DOCK4: variants seen among roughly 807,000 people sequenced by gnomAD.
DOCK4 encodes dedicator of cytokinesis 4, also known as dedicator of cytokinesis protein 4.
Under a neutral mutation model 268.1 loss-of-function variants are expected in DOCK4, and 97 were observed. That is an observed-to-expected ratio of 0.36 (90% CI 0.31 to 0.43). DOCK4 has a LOEUF of 0.43. Ranked by LOEUF, DOCK4 falls within the 20% of genes least tolerant of loss-of-function variation. The pLI is 1.00. For missense variants in DOCK4, 2,145 were observed against 2,455.7 expected (o/e 0.87, Z 2.67); for synonymous variants, 954 against 887.2 (o/e 1.08, Z -1.34).
chr7:112,129,437 C>T (rs1813590941), intron 1 of DOCK4, among the ~76,000 whole-genome samples: 1 of 152,076 alleles, frequency 6.6e-6, no homozygotes, highest in Admixed American at 6.5e-5. Flanking sequence ...TGGAACAATT[C>T]TGTATCCTGA....
intron 1 of DOCK4, among the ~76,000 whole-genome samples, chr7:112,052,234 T>G (rs1211056650): frequency 1.3e-5 from 2 of 152,180 alleles, no homozygotes; most frequent in East Asian, 3.8e-4. Context: ...TGTGATTGAA[T>G]CCATGAATGT....
chr7:111,970,613 T>C (rs1203417979), intron 8 of DOCK4, among the ~76,000 whole-genome samples: 1 of 152,228 alleles, frequency 6.6e-6, no homozygotes, highest in East Asian at 1.9e-4. Context: ...AATTGGCTCA[T>C]GTAAAAACCT....
Position 111,895,715 on chromosome 7 carries a change from T to C in DOCK4, c.1484A>G (p.Lys495Arg), listed in dbSNP as rs763410740. 1 of 1,613,748 alleles carries C rather than the reference T, an allele frequency of 6.2e-7. No homozygotes were observed. The highest frequency in any genetic ancestry group is 1.3e-5 in the African/African-American group (1 of 75,042). Residue 495 changes from lysine (K) to arginine (R), a missense_variant, in exon 16 of 53, where the codon AAG becomes AGG. By Grantham distance (26) the Lys-to-Arg change is conservative. This residue lies in a region of DOCK4 where 1,598 missense variants were observed against 1,986.7 expected (regional missense o/e 0.80). Transcript: ENST00000428084. ...IRFEFRHCST[K>R]EKGEKKLFGF... is the part of the protein sequence containing the mutation. ...AAACAACTTCTTCTCTCCTTTCTCC[T>C]TTGCTGTAAAAAACAAATTACTTGC...
At chr7:112,033,167 G>T (rs1160179561) in intron 1 of DOCK4, among the ~76,000 whole-genome samples, 4 of 152,032 alleles carry the variant, frequency 2.6e-5, no homozygotes, top group African/African-American at 7.2e-5. Context: ...AATACAATAT[G>T]CAGACAGATA....
chr7:111,852,892 C>A (rs1030963243), intron 23 of DOCK4, among the ~76,000 whole-genome samples: 1 of 152,150 alleles, frequency 6.6e-6, no homozygotes, highest in African/African-American at 2.4e-5. Context: ...CCCCATAAAA[C>A]AATCCAAGTT....
intron 8 of DOCK4, among the ~76,000 whole-genome samples, chr7:111,957,289 T>C (rs1796519105): frequency 6.6e-6 from 1 of 152,136 alleles, no homozygotes. Context: ...GATTTATTGT[T>C]AAGAAATGTG....
intron 4 of DOCK4, among the ~76,000 whole-genome samples, chr7:111,996,667 C>G (rs1009337013): frequency 6.6e-6 from 1 of 152,154 alleles, no homozygotes; most frequent in African/African-American, 2.4e-5. Flanking sequence ...CAATGTCCAT[C>G]ATACCTAGTG....
intron 1 of DOCK4, among the ~76,000 whole-genome samples, chr7:112,168,303 T>C (rs1242296851): frequency 6.6e-6 from 1 of 152,230 alleles, no homozygotes; most frequent in Non-Finnish European, 1.5e-5. Context: ...AGATCCATCA[T>C]ACCTATTCTG....
At chr7:111,729,610 AAG>A (rs1794925645) in intron 52 of DOCK4, among the ~76,000 whole-genome samples, 1 of 152,148 alleles carries the variant, frequency 6.6e-6, no homozygotes, top group East Asian at 1.9e-4. Context: ...TATAGTTTGG[AAG>A]AGAGGGAACT....
At chr7:112,053,614 A>T (rs914887573) in intron 1 of DOCK4, among the ~76,000 whole-genome samples, 27 of 152,230 alleles carry the variant, frequency 1.8e-4, no homozygotes, top group African/African-American at 6.5e-4. Context: ...AACACTTGAC[A>T]ATACTCAACT....
intron 6 of DOCK4, among the ~76,000 whole-genome samples, chr7:111,988,773 T>C (rs917168938): frequency 6.6e-6 from 1 of 152,342 alleles, no homozygotes; most frequent in East Asian, 1.9e-4. Context: ...TCCATGAGCA[T>C]GTCCACACCA....
intron 30 of DOCK4, among the ~76,000 whole-genome samples, chr7:111,800,456 A>G (rs1238652966): frequency 6.6e-6 from 1 of 152,128 alleles, no homozygotes; most frequent in East Asian, 1.9e-4. Context: ...GTCAAGGGGG[A>G]AATATATGCT....
intron 12 of DOCK4, among the ~76,000 whole-genome samples, chr7:111,927,231 T>C (rs1793792930): frequency 6.6e-6 from 1 of 152,182 alleles, no homozygotes; most frequent in Non-Finnish European, 1.5e-5. Flanking sequence ...AATCTTGTGA[T>C]TATAACTGCT....
At chr7:111,855,216 T>A (rs978030102) in intron 23 of DOCK4, among the ~76,000 whole-genome samples, 1 of 152,044 alleles carries the variant, frequency 6.6e-6, no homozygotes, top group African/African-American at 2.4e-5. Flanking sequence ...ATCTGGTATG[T>A]TTCTGAAGGT....
chr7:111,749,366 CT>C (rs1160974284), intron 42 of DOCK4, among the ~76,000 whole-genome samples: 1 of 152,120 alleles, frequency 6.6e-6, no homozygotes, highest in African/African-American at 2.4e-5. Flanking sequence ...GAGAGGAGAA[CT>C]TCTGTTCAGT....
chr7:111,791,431 AT>A (rs1482532241), intron 30 of DOCK4, among the ~76,000 whole-genome samples: 1 of 149,850 alleles, frequency 6.7e-6, no homozygotes, highest in Non-Finnish European at 1.5e-5. Flanking sequence ...CTATGATATA[AT>A]TTTTCTCGAG....
At chr7:111,841,762 G>T (rs1803714673) in intron 25 of DOCK4, among the ~76,000 whole-genome samples, 1 of 152,018 alleles carries the variant, frequency 6.6e-6, no homozygotes, top group Non-Finnish European at 1.5e-5. Context: ...CAATCACTCT[G>T]CCTGCCCTAC....
intron 40 of DOCK4, 55 bp downstream of exon 40, chr7:111,760,126 T>C (rs1797283546): frequency 6.3e-7 from 1 of 1,593,988 alleles, no homozygotes; most frequent in East Asian, 2.3e-5. Flanking sequence ...GGAAATGCTC[T>C]GCAGCTAAGA....
intron 1 of DOCK4, among the ~76,000 whole-genome samples, chr7:112,199,916 A>T (rs1456023820): frequency 6.6e-6 from 1 of 152,254 alleles, no homozygotes; most frequent in East Asian, 1.9e-4. Flanking sequence ...TGATGGCTTT[A>T]AATATTTGTT....
Sources: gnomAD v4.1 joint callset for allele counts (sites outside exome capture counted in the v4.1 genomes callset) on GRCh38, gnomAD v4.1.1 for gene constraint, gnomAD v4.1.1 regional missense constraint, MANE v1.5 for transcripts, NCBI Gene and HGNC (gene_info 2026-07-23, HGNC 2026-07-21) for gene names.